Variants in MAPT observed in about 807,000 individuals in gnomAD.
The protein encoded by MAPT is microtubule-associated protein tau.
Under a neutral mutation model 67.9 loss-of-function variants are expected in MAPT, and 34 were observed. That is an observed-to-expected ratio of 0.50 (90% CI 0.38 to 0.67). The LOEUF (loss-of-function observed/expected upper bound fraction) is 0.67, where lower values mean the gene tolerates loss of function less well. Ranked by LOEUF, MAPT falls within the 30% of genes least tolerant of loss-of-function variation. MAPT has a pLI of 0.00. For missense variants in MAPT, 881 were observed against 1,115.2 expected, an observed-to-expected ratio of 0.79 and a Z score of 2.99; for synonymous variants, 456 against 464.5, an observed-to-expected ratio of 0.98 and a Z score of 0.23.
chr17:46,008,766 C>T (rs1208810243), intron 9 of MAPT, among the ~76,000 whole-genome samples: 1 of 152,138 alleles, frequency 6.6e-6, no homozygotes, highest in Non-Finnish European at 1.5e-5. Context: ...GCCTCCAGGG[C>T]AGTGGTTTCC....
chr17:45,953,901 C>G (rs1451650450), intron 1 of MAPT, among the ~76,000 whole-genome samples: 15 of 152,192 alleles, frequency 9.9e-5, no homozygotes, highest in Admixed American at 8.5e-4. Context: ...ATGGAAACCT[C>G]TAGAAGCAGC....
intron 1 of MAPT, among the ~76,000 whole-genome samples, chr17:45,960,810 A>G (rs2070314369): frequency 6.8e-6 from 1 of 147,598 alleles, no homozygotes; most frequent in East Asian, 2.0e-4. Context: ...GAAAACCCAC[A>G]AAGCATTTAT....
intron 1 of MAPT, among the ~76,000 whole-genome samples, chr17:45,930,382 G>A (rs2066732748): frequency 1.3e-5 from 2 of 151,146 alleles, no homozygotes; most frequent in African/African-American, 4.9e-5. Flanking sequence ...ATTCCAGCCT[G>A]GGTGACAGAG....
intron 9 of MAPT, among the ~76,000 whole-genome samples, chr17:46,007,426 G>T (rs2075525418): frequency 6.6e-6 from 1 of 152,156 alleles, no homozygotes; most frequent in South Asian, 2.1e-4. Flanking sequence ...GTTTAAGGCT[G>T]CAGTGAGCTA....
rs2075720646 is a variant in MAPT, at chr17:46,010,123, G to C, written c.1999-187G>C. Among the ~76,000 whole-genome samples, 1 of 152,134 alleles carries C rather than the reference G, an allele frequency of 6.6e-6. No homozygotes were observed. Among genetic ancestry groups the C allele is most frequent in the African/African-American group, 2.4e-5 (1 of 41,424 alleles). ...GCCCTCTATCCCTTCAGCTCCCCTG[G>C]GATGTGACTCAACCTCCCGTCACTC... On this transcript the variant is annotated intron_variant, in intron 9 of 12. Transcript: ENST00000262410. The surrounding 1 kb of genome is among the most constrained non-coding windows in gnomAD (Gnocchi z 4.7).
At chr17:45,988,162 C>G (rs540126990) in intron 6 of MAPT, among the ~76,000 whole-genome samples, 1 of 152,196 alleles carries the variant, frequency 6.6e-6, no homozygotes, top group Non-Finnish European at 1.5e-5. Context: ...AGGGCCCCAG[C>G]CTGTGTCCCT....
chr17:46,021,148 G>A (rs943411721), intron 12 of MAPT, among the ~76,000 whole-genome samples: 2 of 152,272 alleles, frequency 1.3e-5, no homozygotes, highest in Non-Finnish European at 2.9e-5. Context: ...TGCTGCAGAT[G>A]CTGCGAACTG....
chr17:45,904,755 A>G (rs1168973391), intron 1 of MAPT, among the ~76,000 whole-genome samples: 2 of 151,494 alleles, frequency 1.3e-5, no homozygotes, highest in Non-Finnish European at 2.9e-5. Context: ...TTCACTACCT[A>G]TTTGTTGCAT....
intron 11 of MAPT, among the ~76,000 whole-genome samples, chr17:46,017,737 G>A (rs1349425689): frequency 2.7e-5 from 4 of 150,152 alleles, no homozygotes; most frequent in African/African-American, 9.8e-5. Context: ...AGGATTACAG[G>A]CATGAGCCAC....
chr17:45,908,970 T>C (rs1308454169), intron 1 of MAPT, among the ~76,000 whole-genome samples: 1 of 152,154 alleles, frequency 6.6e-6, no homozygotes, highest in Non-Finnish European at 1.5e-5. Flanking sequence ...AGAAAAGTTT[T>C]AGAAGCATCC....
At chr17:45,973,722 A>G (rs2071983370) in intron 3 of MAPT, 1 of 152,842 alleles carries the variant, frequency 6.5e-6, no homozygotes, top group African/African-American at 2.4e-5. Context: ...AGAGACTGAC[A>G]GCAGCTCCTG....
At chr17:45,903,631 C>T (rs1345564427) in intron 1 of MAPT, among the ~76,000 whole-genome samples, 2 of 140,598 alleles carry the variant, frequency 1.4e-5, no homozygotes, top group African/African-American at 2.7e-5. Context: ...AGGGGAATGG[C>T]GTGAACCCGG....
At chr17:45,960,579 C>A (rs1005791604) in intron 1 of MAPT, among the ~76,000 whole-genome samples, 2 of 152,212 alleles carry the variant, frequency 1.3e-5, no homozygotes, top group Admixed American at 1.3e-4. Flanking sequence ...TCCCATCTTG[C>A]TTTGTATAAA....
chr17:45,946,615 A>AAAAAAAAAAAATATATATATATAT, intron 1 of MAPT, among the ~76,000 whole-genome samples: 39 of 100,332 alleles, frequency 3.9e-4, no homozygotes, highest in Non-Finnish European at 5.3e-4. Context: ...AAAAAAAAAA[A>AAAAAAAAAAAATATATATATATAT]ATATATATAT....
intron 1 of MAPT, among the ~76,000 whole-genome samples, chr17:45,921,451 C>T (rs1043564656): frequency 6.6e-6 from 1 of 152,276 alleles, no homozygotes; most frequent in South Asian, 2.1e-4. Flanking sequence ...GCCTCACCAG[C>T]CTGGATCAGG....
chr17:45,900,345 C>T (rs1323295618), intron 1 of MAPT, among the ~76,000 whole-genome samples: 2 of 152,200 alleles, frequency 1.3e-5, no homozygotes, highest in Non-Finnish European at 2.9e-5. Context: ...CCCTGCCTGC[C>T]CAGATGGCTC....
intron 9 of MAPT, among the ~76,000 whole-genome samples, chr17:45,997,674 C>T (rs977820894): frequency 6.6e-5 from 10 of 152,098 alleles, no homozygotes; most frequent in Non-Finnish European, 1.0e-4. Context: ...GCAGGAGAAT[C>T]GCTTGAACCC....
At chr17:45,985,929 C>A (rs1217999247) in intron 5 of MAPT, among the ~76,000 whole-genome samples, 1 of 152,094 alleles carries the variant, frequency 6.6e-6, no homozygotes, top group Non-Finnish European at 1.5e-5. Context: ...TGACAATAGC[C>A]AATGAGAAGC....
chr17:46,003,125 C>T (rs2075146854), intron 9 of MAPT, among the ~76,000 whole-genome samples: 3 of 135,304 alleles, frequency 2.2e-5, no homozygotes, highest in South Asian at 2.3e-4. Context: ...TGTGTGTGGG[C>T]GCACTCTCGT....
Sources: allele counts gnomAD v4.1 joint callset (sites outside exome capture counted in the v4.1 genomes callset), GRCh38; gene constraint gnomAD v4.1.1; non-coding constraint Gnocchi (gnomAD v3.1); transcripts MANE v1.5; gene names NCBI Gene and HGNC (gene_info 2026-07-23, HGNC 2026-07-21).